FXR1: variants seen among roughly 807,000 people sequenced by gnomAD.
The protein encoded by FXR1 is RNA-binding protein FXR1.
In FXR1, 15 loss-of-function variants were observed where a neutral mutation model predicts 84.0. The ratio of observed to expected loss-of-function variants is 0.18; its 90% CI spans 0.12 to 0.27. The LOEUF is 0.27. Among genes scored for constraint, FXR1 ranks in the 10% least tolerant of loss-of-function variants. The pLI is 1.00. For synonymous variants in FXR1, 245 were observed against 250.7 expected, an observed-to-expected ratio of 0.98 and a Z score of 0.21; for missense variants, 480 against 774.4, an observed-to-expected ratio of 0.62 and a Z score of 4.51.
chr3:180,962,385 A>G (rs1331868502), intron 11 of FXR1, among the ~76,000 whole-genome samples: 2 of 152,206 alleles, frequency 1.3e-5, no homozygotes, highest in African/African-American at 2.4e-5. Flanking sequence ...TTCTCTAGAC[A>G]TCTAACCTTT....
At chr3:180,916,251 G>A (rs1328661374) in intron 1 of FXR1, among the ~76,000 whole-genome samples, 1 of 152,170 alleles carries the variant, frequency 6.6e-6, no homozygotes, top group Non-Finnish European at 1.5e-5. Flanking sequence ...CACCGCCACA[G>A]TCTTCCTTCA....
In FXR1 at chr3:180,935,138, T is replaced by C. The variant is rs1179059889; in HGVS notation, c.105T>C (p.Asn35=). Reference sequence around the variant, plus strand: ...TAATACACCTTTTCTAATCCTTCAGTTGGCAACCAGAACGCCAGGTTCCAT... The same window carrying C: ...TAATACACCTTTTCTAATCCTTCAGCTGGCAACCAGAACGCCAGGTTCCAT... The part of the protein sequence containing the change: ...EDSLTVVFEN[N]WQPERQVPFN... The change falls in exon 3 of 17, where the codon AAT becomes AAC. Residue 35 remains asparagine (N), a splice_region_variant and synonymous_variant. Coordinates refer to ENST00000357559, the MANE Select transcript of FXR1 (RefSeq NM_005087.4). The C allele has an allele frequency of 3.3e-6, 5 of 1,510,552 alleles. No homozygotes were observed. The Admixed American group carries it at 6.7e-5, about 20-fold the overall frequency. The allele number at this position is 1,510,552 out of a possible 1,614,324, so 93.6% of individuals were successfully genotyped here.
intron 3 of FXR1, among the ~76,000 whole-genome samples, chr3:180,937,507 C>T (rs1210056796): frequency 6.6e-6 from 1 of 151,962 alleles, no homozygotes; most frequent in Non-Finnish European, 1.5e-5. Flanking sequence ...GAAATTGAAT[C>T]TAGAGTTTTT....
chr3:180,962,998 C>G (rs1277152854), intron 12 of FXR1, 30 bp from the exon 13 acceptor site: 1 of 1,605,932 alleles, frequency 6.2e-7, no homozygotes, highest in South Asian at 1.1e-5. Context: ...GGATATGCCA[C>G]TGATGAAAGT....
intron 1 of FXR1, among the ~76,000 whole-genome samples, chr3:180,925,437 G>C (rs964797524): frequency 6.6e-6 from 1 of 151,158 alleles, no homozygotes; most frequent in African/African-American, 2.4e-5. Flanking sequence ...TGTGAGCTTT[G>C]ATCCTGGTGC....
chr3:180,944,304 G>A (rs1721453061), intron 3 of FXR1, among the ~76,000 whole-genome samples: 1 of 151,276 alleles, frequency 6.6e-6, no homozygotes, highest in Non-Finnish European at 1.5e-5. Flanking sequence ...AGAATGAAAG[G>A]GTAGTAAGGT....
Position 180,976,161 on chromosome 3 carries a change from G to A in FXR1, c.1735G>A (p.Ala579Thr). ...VIEEHGPSEKAINGPTSASGD... is the reference protein window; with the variant it reads ...VIEEHGPSEKTINGPTSASGD... ...TGAAGAGCATGGTCCTTCAGAAAAG[G>A]CAATAAACGGCCCAACTAGTGCTTC... is the stretch of plus-strand genomic sequence containing the variant. Residue 579 changes from alanine to threonine, a missense_variant, in exon 17 of 17, where the codon GCA becomes ACA. This residue lies in a region of FXR1 where 94 missense variants were observed against 81.8 expected (regional missense o/e 1.15). Coordinates refer to ENST00000357559, the MANE Select transcript of FXR1 (RefSeq NM_005087.4). 2 of 1,613,118 alleles carry A rather than the reference G, an allele frequency of 1.2e-6. No individual in the cohort carries two copies. Among genetic ancestry groups the A allele is most frequent in the South Asian group, 1.1e-5 (1 of 90,960 alleles).
At chr3:180,952,084 A>T (rs754450113) in intron 8 of FXR1, among the ~76,000 whole-genome samples, 39 of 152,104 alleles carry the variant, frequency 2.6e-4, no homozygotes, top group Non-Finnish European at 3.8e-4. Flanking sequence ...CTATATTTTT[A>T]TATATGTAAA....
chr3:180,950,665 A>G (rs901801114), intron 7 of FXR1, among the ~76,000 whole-genome samples: 5 of 152,010 alleles, frequency 3.3e-5, no homozygotes, highest in African/African-American at 1.2e-4. Flanking sequence ...GCCCCTGACA[A>G]CCATCATTCT....
intron 10 of FXR1, among the ~76,000 whole-genome samples, chr3:180,958,433 C>A (rs947869377): frequency 2.6e-5 from 4 of 152,160 alleles, no homozygotes; most frequent in Non-Finnish European, 4.4e-5. Flanking sequence ...TTATAGCATT[C>A]TTTTGCCTTT....
intron 6 of FXR1, 143 bp downstream of exon 6, chr3:180,948,957 A>T: frequency 3.2e-6 from 2 of 626,198 alleles, no homozygotes; most frequent in East Asian, 2.7e-5. Context: ...ATTTGTTTGC[A>T]GCTATAAAAT....
intron 15 of FXR1, chr3:180,971,152 C>A: frequency 8.0e-7 from 1 of 1,248,160 alleles, no homozygotes; most frequent in Non-Finnish European, 1.0e-6. Context: ...AGATAGACAG[C>A]CAGGTAACTT....
intron 9 of FXR1, 133 bp downstream of exon 9, chr3:180,953,973 CTTCTT>C (rs992572644): frequency 3.9e-5 from 22 of 566,802 alleles, no homozygotes; most frequent in Non-Finnish European, 4.9e-5. Context: ...GATAGCAATA[CTTCTT>C]TTCTTTTTTT....
intron 1 of FXR1, among the ~76,000 whole-genome samples, chr3:180,926,981 T>TA: frequency 6.6e-6 from 1 of 152,228 alleles, no homozygotes; most frequent in Admixed American, 6.5e-5. Flanking sequence ...TCAATCAAGA[T>TA]ACCTGATCTA....
At chr3:180,967,982 C>A in intron 13 of FXR1, 69 bp from the exon 14 acceptor site, 1 of 961,080 alleles carries the variant, frequency 1.0e-6, no homozygotes, top group Non-Finnish European at 1.7e-6. Flanking sequence ...ATTTGTAGGA[C>A]ATAATTTTGA....
intron 10 of FXR1, among the ~76,000 whole-genome samples, chr3:180,958,300 C>A (rs1711594329): frequency 6.6e-6 from 1 of 151,864 alleles, no homozygotes; most frequent in African/African-American, 2.4e-5. Context: ...TAAGCTGCTT[C>A]AGTGGTGATT....
At chr3:180,952,769 T>C (rs1321597880) in intron 8 of FXR1, among the ~76,000 whole-genome samples, 1 of 151,900 alleles carries the variant, frequency 6.6e-6, no homozygotes, top group Non-Finnish European at 1.5e-5. Context: ...TGGTATATCA[T>C]GTAGTGTGCA....
intron 1 of FXR1, among the ~76,000 whole-genome samples, chr3:180,919,949 A>C (rs533215087): frequency 1.3e-5 from 2 of 152,326 alleles, no homozygotes; most frequent in South Asian, 4.1e-4. Context: ...TACAGGCATG[A>C]GCCACTACCT....
intron 9 of FXR1, chr3:180,957,554 A>G (rs567296965): frequency 3.3e-6 from 1 of 303,144 alleles, no homozygotes; most frequent in South Asian, 1.5e-4. Flanking sequence ...ATATTTTAAA[A>G]GTCTAGATTT....
Sources: allele counts gnomAD v4.1 joint callset (sites outside exome capture counted in the v4.1 genomes callset), GRCh38; gene constraint gnomAD v4.1.1; regional missense constraint gnomAD v4.1.1; transcripts MANE v1.5; gene names NCBI Gene and HGNC (gene_info 2026-07-23, HGNC 2026-07-21).